KIF13B: variants seen among roughly 807,000 people sequenced by gnomAD.
KIF13B encodes the protein kinesin-like protein KIF13B.
Under a neutral mutation model 222.0 loss-of-function variants are expected in KIF13B, and 127 were observed. The ratio of observed to expected loss-of-function variants is 0.57; its 90% CI spans 0.50 to 0.66. The LOEUF (loss-of-function observed/expected upper bound fraction) is 0.66, where lower values mean the gene tolerates loss of function less well. KIF13B is among the 30% of genes least tolerant of loss of function. The probability of loss-of-function intolerance (pLI) is 0.00; values close to 1 mark genes in which losing one functional copy is unlikely to be tolerated. For synonymous variants in KIF13B, 976 were observed against 919.0 expected (o/e 1.06, Z -1.12); for missense variants, 2,173 against 2,379.0 (o/e 0.91, Z 1.80).
intron 26 of KIF13B, 37 bp from the exon 27 acceptor site, chr8:29,124,160 G>A (rs373069255): frequency 8.1e-7 from 1 of 1,234,840 alleles, no homozygotes; most frequent in Non-Finnish European, 1.2e-6. Flanking sequence ...TCAATGTAAT[G>A]TCAAGATAAT....
At chr8:29,262,830 G>A in intron 1 of KIF13B, 150 bp downstream of exon 1, 2 of 547,876 alleles carry the variant, frequency 3.7e-6, no homozygotes, top group Non-Finnish European at 6.1e-6. Context: ...TCTCAGCGCG[G>A]GAGCGGGTTT....
chr8:29,165,688 A>C lies in KIF13B; in HGVS notation c.1243T>G (p.Leu415Val), dbSNP rs1811960759. The change falls in exon 12 of 40, where the codon TTA becomes GTA. Residue 415 changes from leucine (L) to valine (V), a missense_variant. Physicochemically the swap from Leu to Val is conservative, Grantham distance 32. Around this residue, in one of 2 missense-constraint regions of KIF13B, gnomAD observed 1,480 missense variants for 1,722.8 expected, o/e 0.86. Coordinates refer to ENST00000524189, the MANE Select transcript of KIF13B (RefSeq NM_015254.4). ...QEMTVTWEEKLRKTEEIAQER... is the reference protein window; with the variant it reads ...QEMTVTWEEKVRKTEEIAQER... Reference sequence around the variant, plus strand: ...TGTGCAATCTCCTCCGTTTTCCTTAATTTCTCCTCCCAGGTCACAGTCATT... The same window carrying C: ...TGTGCAATCTCCTCCGTTTTCCTTACTTTCTCCTCCCAGGTCACAGTCATT... 6 of 1,613,208 alleles carry C rather than the reference A, an allele frequency of 3.7e-6. No individual in the cohort carries two copies. In the East Asian group the frequency reaches 1.3e-4, roughly 36 times the overall value.
At chr8:29,130,893 A>T (rs1810313666) in intron 23 of KIF13B, among the ~76,000 whole-genome samples, 1 of 152,226 alleles carries the variant, frequency 6.6e-6, no homozygotes, top group Non-Finnish European at 1.5e-5. Context: ...ACTTTGTTCA[A>T]AAAGATGTAA....
intron 37 of KIF13B, 55 bp from the exon 38 acceptor site, chr8:29,075,398 A>C: frequency 6.7e-7 from 1 of 1,494,052 alleles, no homozygotes; most frequent in Non-Finnish European, 9.0e-7. Context: ...GGGGTAGCAG[A>C]AAGGTTTCCG....
intron 36 of KIF13B, among the ~76,000 whole-genome samples, chr8:29,098,375 G>A (rs1403231638): frequency 1.3e-5 from 2 of 151,808 alleles, no homozygotes; most frequent in African/African-American, 4.8e-5. Flanking sequence ...GGCTGAGGCA[G>A]ACAGATCACC....
chr8:29,076,779 G>A (rs368978345), intron 37 of KIF13B, among the ~76,000 whole-genome samples: 9 of 152,308 alleles, frequency 5.9e-5, no homozygotes, highest in African/African-American at 2.2e-4. Flanking sequence ...CAGTGGAGAG[G>A]ACTCGAGAGG....
intron 1 of KIF13B, chr8:29,250,085 C>A: frequency 7.9e-7 from 1 of 1,272,298 alleles, no homozygotes; most frequent in East Asian, 5.6e-5. Flanking sequence ...ACAGTCAAAT[C>A]TGTATCATAC....
In KIF13B at chr8:29,082,942, T is replaced by C. The variant is rs375626318; in HGVS notation, c.4459-7599A>G. Reference sequence around the variant, plus strand: ...CAATTCAAGACCAGCCGGTGTGACATAGGGAGACCCCGTCTCTACAAGATC... The same window carrying C: ...CAATTCAAGACCAGCCGGTGTGACACAGGGAGACCCCGTCTCTACAAGATC... On this transcript the variant is annotated intron_variant, in intron 37 of 39. Transcript: ENST00000524189. 1.9e-4 allele frequency among the ~76,000 whole-genome samples: 29 copies of C among 152,258 alleles called. 1 individual carries two copies. Among genetic ancestry groups the C allele is most frequent in the East Asian group, 7.7e-4 (4 of 5,172 alleles).
intron 35 of KIF13B, among the ~76,000 whole-genome samples, 156 bp from the exon 36 acceptor site, chr8:29,099,397 A>C (rs991758180): frequency 6.6e-6 from 1 of 152,174 alleles, no homozygotes. Context: ...CTATTTTAAG[A>C]GACAGAGTTT....
At chr8:29,254,230 A>C (rs1322766776) in intron 1 of KIF13B, among the ~76,000 whole-genome samples, 2 of 152,156 alleles carry the variant, frequency 1.3e-5, no homozygotes, top group Admixed American at 1.3e-4. Context: ...AACCTATCAA[A>C]CTCTTAGAAG....
At chr8:29,097,455 TC>T (rs1554595079) in intron 36 of KIF13B, among the ~76,000 whole-genome samples, 2 of 152,078 alleles carry the variant, frequency 1.3e-5, no homozygotes, top group Non-Finnish European at 2.9e-5. Flanking sequence ...TCAGCAAAGA[TC>T]CAGAGGATTT....
intron 1 of KIF13B, among the ~76,000 whole-genome samples, chr8:29,255,297 G>GA (rs1215457859): frequency 6.6e-6 from 1 of 152,060 alleles, no homozygotes; most frequent in African/African-American, 2.4e-5. Context: ...AAACCAAGAA[G>GA]AAAAAACTCG....
At chr8:29,184,067 G>C (rs1426827706) in intron 6 of KIF13B, among the ~76,000 whole-genome samples, 2 of 152,024 alleles carry the variant, frequency 1.3e-5, no homozygotes, top group Non-Finnish European at 2.9e-5. Context: ...GGATAAAGTA[G>C]ATATAGAATA....
chr8:29,085,858 A>C (rs2133523041), intron 37 of KIF13B, among the ~76,000 whole-genome samples: 1 of 150,032 alleles, frequency 6.7e-6, no homozygotes, highest in Admixed American at 6.6e-5. Flanking sequence ...ACAAAAAAAA[A>C]AAAAAAAAAA....
chr8:29,237,668 T>C (rs1586968011), intron 2 of KIF13B, among the ~76,000 whole-genome samples: 1 of 152,226 alleles, frequency 6.6e-6, no homozygotes, highest in Admixed American at 6.5e-5. Context: ...TAGCAGTCTA[T>C]TGGCTACCAG....
chr8:29,079,692 T>A (rs906248642), intron 37 of KIF13B, among the ~76,000 whole-genome samples: 2 of 152,236 alleles, frequency 1.3e-5, no homozygotes, highest in African/African-American at 4.8e-5. Flanking sequence ...AATTTTCTGA[T>A]GCATATTTTT....
intron 34 of KIF13B, among the ~76,000 whole-genome samples, chr8:29,109,201 G>A (rs544817589): frequency 9.2e-5 from 14 of 152,282 alleles, no homozygotes; most frequent in Admixed American, 3.3e-4. Flanking sequence ...AGTGGTGATC[G>A]GAAGATAAGA....
At chr8:29,223,309 C>T (rs1170484362) in intron 2 of KIF13B, among the ~76,000 whole-genome samples, 1 of 132,488 alleles carries the variant, frequency 7.5e-6, no homozygotes, top group Non-Finnish European at 1.6e-5. Context: ...GCACTCCAGC[C>T]TGAGTGAGAG....
At chr8:29,222,458 T>C (rs1814796424) in intron 2 of KIF13B, among the ~76,000 whole-genome samples, 1 of 149,402 alleles carries the variant, frequency 6.7e-6, no homozygotes, top group Non-Finnish European at 1.5e-5. Flanking sequence ...TAAAGTGTAG[T>C]AGTAAAATCA....
Sources: allele counts gnomAD v4.1 joint callset (sites outside exome capture counted in the v4.1 genomes callset), GRCh38; gene constraint gnomAD v4.1.1; regional missense constraint gnomAD v4.1.1; transcripts MANE v1.5; gene names NCBI Gene and HGNC (gene_info 2026-07-23, HGNC 2026-07-21).